Variants in CTNNA2 observed in about 807,000 individuals in gnomAD.
CTNNA2 encodes the protein catenin alpha 2.
Under a neutral mutation model 101.0 loss-of-function variants are expected in CTNNA2, and 42 were observed. That is an observed-to-expected ratio of 0.42 (90% CI 0.32 to 0.54). CTNNA2 has a LOEUF of 0.54. Among genes scored for constraint, CTNNA2 ranks in the 20% least tolerant of loss-of-function variants. The pLI is 0.14. For missense variants in CTNNA2, 871 were observed against 1,223.1 expected, an observed-to-expected ratio of 0.71 and a Z score of 4.29; for synonymous variants, 450 against 456.4, an observed-to-expected ratio of 0.99 and a Z score of 0.18.
At chr2:79,814,288 G>T (rs538959971) in intron 3 of CTNNA2, among the ~76,000 whole-genome samples, 6 of 152,198 alleles carry the variant, frequency 3.9e-5, no homozygotes, top group African/African-American at 1.4e-4. Context: ...TTGGTTACAT[G>T]ACTAAATTCT....
intron 1 of CTNNA2, among the ~76,000 whole-genome samples, chr2:79,631,526 C>T (rs562626067): frequency 2.0e-5 from 3 of 152,270 alleles, no homozygotes; most frequent in Non-Finnish European, 4.4e-5. Context: ...GTAACATACA[C>T]ATTTTAGACG....
At chr2:80,306,450 T>A (rs13432673) in intron 7 of CTNNA2, among the ~76,000 whole-genome samples, 1 of 124,926 alleles carries the variant, frequency 8.0e-6, no homozygotes, top group African/African-American at 2.8e-5. Context: ...CTTTCTTTCT[T>A]TCTCTCTCTC....
At chr2:80,082,955 T>G (rs1699235873) in intron 7 of CTNNA2, among the ~76,000 whole-genome samples, 1 of 152,130 alleles carries the variant, frequency 6.6e-6, no homozygotes, top group Non-Finnish European at 1.5e-5. Context: ...TGAATTGTAT[T>G]ACAATTATTA....
intron 7 of CTNNA2, among the ~76,000 whole-genome samples, chr2:79,991,463 T>C (rs913333335): frequency 6.6e-6 from 1 of 152,088 alleles, no homozygotes; most frequent in African/African-American, 2.4e-5. Context: ...AGATCTCCCC[T>C]AGAGAAGAAA....
chr2:79,871,326 A>G (rs781488802), intron 5 of CTNNA2, among the ~76,000 whole-genome samples: 3 of 152,158 alleles, frequency 2.0e-5, no homozygotes, highest in Non-Finnish European at 4.4e-5. Flanking sequence ...ATTTTTAAGT[A>G]TGTTTTTATC....
At chr2:79,357,015 A>C (rs957620984) in intron 3 of CTNNA2, among the ~76,000 whole-genome samples, 2 of 152,202 alleles carry the variant, frequency 1.3e-5, no homozygotes, top group Non-Finnish European at 2.9e-5. Context: ...GAACTGAAGA[A>C]TACAATAACT....
At chr2:80,461,426 T>C (rs1477633774) in intron 9 of CTNNA2, among the ~76,000 whole-genome samples, 2 of 152,166 alleles carry the variant, frequency 1.3e-5, no homozygotes, top group African/African-American at 4.8e-5. Context: ...CCATGCTGTA[T>C]TCAGAATGAA....
intron 4 of CTNNA2, among the ~76,000 whole-genome samples, chr2:79,457,474 A>T (rs1267684156): frequency 6.6e-6 from 1 of 152,204 alleles, no homozygotes; most frequent in African/African-American, 2.4e-5. Flanking sequence ...AATGATTATA[A>T]ATATAAGTGG....
intron 7 of CTNNA2, among the ~76,000 whole-genome samples, chr2:80,314,122 A>G (rs555208448): frequency 6.6e-6 from 1 of 152,290 alleles, no homozygotes; most frequent in African/African-American, 2.4e-5. Flanking sequence ...CTTGGTGGCT[A>G]TAGTGGTGGC....
chr2:79,744,181 A>G (rs1671484055), intron 2 of CTNNA2, among the ~76,000 whole-genome samples: 1 of 152,214 alleles, frequency 6.6e-6, no homozygotes, highest in Non-Finnish European at 1.5e-5. Flanking sequence ...CAGGAAATAA[A>G]TGATAACCAT....
intron 14 of CTNNA2, among the ~76,000 whole-genome samples, chr2:80,588,396 T>C (rs776222692): frequency 6.6e-6 from 1 of 152,180 alleles, no homozygotes; most frequent in Non-Finnish European, 1.5e-5. Flanking sequence ...AGGCAGAGCA[T>C]TGCCTTGTTC....
intron 3 of CTNNA2, among the ~76,000 whole-genome samples, chr2:79,828,959 G>T (rs930324658): frequency 1.3e-5 from 2 of 152,112 alleles, no homozygotes; most frequent in African/African-American, 4.8e-5. Flanking sequence ...ATTGACTGAA[G>T]AACTGTCAGA....
chr2:79,400,441 A>G (rs994938385), intron 4 of CTNNA2, among the ~76,000 whole-genome samples: 5 of 152,000 alleles, frequency 3.3e-5, no homozygotes, highest in Admixed American at 3.3e-4. Context: ...GAATATCAAT[A>G]AAGAGTTAGA....
intron 3 of CTNNA2, among the ~76,000 whole-genome samples, chr2:79,807,373 G>C (rs1676659861): frequency 6.6e-6 from 1 of 151,934 alleles, no homozygotes; most frequent in African/African-American, 2.4e-5. Context: ...CAAGCATATG[G>C]TTTCTTTGGA....
chr2:79,349,199 C>T (rs527344066), intron 3 of CTNNA2, among the ~76,000 whole-genome samples: 14 of 152,138 alleles, frequency 9.2e-5, no homozygotes, highest in Non-Finnish European at 2.1e-4. Context: ...TAGGGTATTG[C>T]AGCATCAGTA....
At chr2:80,563,403 A>G (rs1315058083) in intron 12 of CTNNA2, among the ~76,000 whole-genome samples, 1 of 152,230 alleles carries the variant, frequency 6.6e-6, no homozygotes, top group African/African-American at 2.4e-5. Flanking sequence ...ACATCCTTGG[A>G]GTATTCCAGA....
At chr2:79,607,614 A>C (rs1182606308) in intron 1 of CTNNA2, among the ~76,000 whole-genome samples, 3 of 152,142 alleles carry the variant, frequency 2.0e-5, no homozygotes, top group Admixed American at 2.0e-4. Flanking sequence ...AATCAATAAC[A>C]AATCTGGAAA....
intron 1 of CTNNA2, among the ~76,000 whole-genome samples, chr2:79,546,359 T>C (rs774996367): frequency 6.6e-5 from 10 of 152,136 alleles, no homozygotes. Context: ...AGGTTAGAAT[T>C]CATGGGAAAG....
Position 79,414,062 on chromosome 2 carries a change from T to C in CTNNA2, c.-135+40049T>C, listed in dbSNP as rs145636789. Among the ~76,000 whole-genome samples the C allele has an allele frequency of 1.6e-3, 243 of 150,900 alleles. 1 individual carries two copies. Among genetic ancestry groups the C allele is most frequent in the African/African-American group, 5.5e-3 (226 of 41,250 alleles). On this transcript the variant is annotated intron_variant, in intron 4 of 21. Coordinates refer to the CTNNA2 transcript ENST00000466387. The stretch of plus-strand genomic sequence containing the variant: ...TGCGGTTTTTTTAGAGTTGATAACA[T>C]TGACAACCAGCATAACTAAATTTTC...
Sources: allele counts gnomAD v4.1 joint callset (sites outside exome capture counted in the v4.1 genomes callset), GRCh38; gene constraint gnomAD v4.1.1; transcripts MANE v1.5; gene names NCBI Gene and HGNC (gene_info 2026-07-23, HGNC 2026-07-21).